LRWD1: variants seen among roughly 807,000 people sequenced by gnomAD.
LRWD1 encodes the protein leucine rich repeats and WD repeat domain containing 1, also known as leucine-rich repeat and WD repeat-containing protein 1.
In LRWD1, 76 loss-of-function variants were observed where a neutral mutation model predicts 75.6. The observed-to-expected ratio is 1.01, with a 90% CI of 0.84 to 1.22. The LOEUF (loss-of-function observed/expected upper bound fraction) is 1.22. Ranked by LOEUF, LRWD1 falls within the 50% of genes most tolerant of loss-of-function variation. LRWD1 has a pLI of 0.00. For synonymous variants in LRWD1, 487 were observed against 377.0 expected, an observed-to-expected ratio of 1.29 and a Z score of -3.38; for missense variants, 917 against 862.0, an observed-to-expected ratio of 1.06 and a Z score of -0.80.
In LRWD1 at chr7:102,472,265, G is replaced by C. The variant is rs752435769; in HGVS notation, c.1490G>C (p.Gly497Ala). 3.1e-6 allele frequency: 5 copies of C among 1,595,234 alleles called. No individual in the cohort carries two copies. In the South Asian group the frequency reaches 5.7e-5, roughly 18 times the overall value. Reference sequence around the variant, plus strand: ...TTCTCTGAGGGCTCCGAGGCATCTGGACGGAGAGTGGATGGGCTGGCATTT... The same window carrying C: ...TTCTCTGAGGGCTCCGAGGCATCTGCACGGAGAGTGGATGGGCTGGCATTT... ...FVFSEGSEAS[G>A]RRVDGLAFVN... Residue 497 changes from glycine to alanine, a missense_variant, in exon 12 of 15, where the codon GGA (glycine) becomes GCA (alanine). Physicochemically the swap from Gly to Ala is moderately conservative, Grantham distance 60 (BLOSUM62 0). Coordinates refer to ENST00000292616, the MANE Select transcript of LRWD1 (RefSeq NM_152892.3).
At chr7:102,467,537 G>T in intron 4 of LRWD1, 58 bp downstream of exon 4, 1 of 1,597,942 alleles carries the variant, frequency 6.3e-7, no homozygotes, top group Non-Finnish European at 8.5e-7. Context: ...TAGCTGCCTG[G>T]AGGTCCCTGG....
At position 102,469,614 on chromosome 7, in the gene LRWD1, G is replaced by A. The variant is rs778047518; in HGVS notation, c.1269G>A (p.Gly423=). ...YDKRIILWDI[G]VPNQDYEFQA... Reference sequence around the variant, plus strand: ...AGCGGATCATCCTCTGGGACATCGGGGTGCCCAACCAGGACTACGAATTCC... The same window carrying A: ...AGCGGATCATCCTCTGGGACATCGGAGTGCCCAACCAGGACTACGAATTCC... Residue 423 remains glycine (G), a synonymous_variant, in exon 10 of 15, where the codon GGG becomes GGA. Coordinates refer to ENST00000292616, the MANE Select transcript of LRWD1 (RefSeq NM_152892.3). The A allele has an allele frequency of 6.8e-6, 11 of 1,614,180 alleles. No individual in the cohort carries two copies. The South Asian group carries it at 1.1e-4, about 16-fold the overall frequency.
In LRWD1 at chr7:102,465,488, GCTTTT is replaced by G. The variant is rs1241138012; in HGVS notation, c.81-328_81-324del. ...GCCCCCGAGTCCTAAAGTAGTTGCA[GCTTTT>G]TTTTTTTTTTTTTTTTTTTTTTTTT... is the stretch of plus-strand genomic sequence containing the variant. On this transcript the variant is annotated intron_variant, in intron 1 of 14. Coordinates refer to ENST00000292616, the MANE Select transcript of LRWD1 (RefSeq NM_152892.3). The G allele has an allele frequency of 2.4e-3, 257 of 108,036 alleles. 60 individuals carry two copies. The highest frequency in any genetic ancestry group is 0.017 in the East Asian group (46 of 2,784). The allele number at this position is 108,036 out of a possible 1,614,324, so 6.7% of individuals were successfully genotyped here. A position where few individuals can be genotyped will look rare whatever the true frequency, so the allele number is the denominator to read the frequency against.
rs560279533 is a variant in LRWD1 at position 102,468,849 on chromosome 7, G to A, written c.1021-6G>A. 81 of 1,609,048 alleles carry A rather than the reference G, an allele frequency of 5.0e-5. No homozygotes were observed. The South Asian group carries it at 7.9e-4, about 16-fold the overall frequency. On this transcript the variant is annotated splice_region_variant and splice_polypyrimidine_tract_variant and intron_variant, in intron 8 of 14. Transcript: ENST00000292616. ...CCAGTGACTGTTTACTCTAACCCCC[G>A]CCCAGGAGTTCTTTTCTGTGGCCTG...
Position 102,466,261 on chromosome 7 carries a change from G to T in LRWD1, c.423G>T (p.Leu141=). The T allele has an allele frequency of 6.2e-7, 1 of 1,613,250 alleles. No homozygotes were observed. Among genetic ancestry groups the T allele is most frequent in the South Asian group, 1.1e-5 (1 of 91,018 alleles). ...AGGTGGAGAACCTGAATCGGGAGCT[G>T]ACCAGCAGGGTAAGGGGATGAGAGG... is the stretch of plus-strand genomic sequence containing the variant. ...YSQVENLNRE[L]TSRVTAHWEK... is the part of the protein sequence containing the mutation. The change falls in exon 3 of 15, where the codon CTG becomes CTT. Residue 141 remains leucine, a synonymous_variant. Transcript: ENST00000292616.
In LRWD1 at chr7:102,473,021, ACAT is replaced by A; in HGVS notation, c.1918_1920del (p.Ile640del). ...TACCTCACCGCCCTGACGGACTCCA[ACAT>A]CGTAGCCATCTGGGGGAGGATGTAG... On this transcript the variant is annotated inframe_deletion, in exon 15 of 15. Coordinates refer to ENST00000292616, the MANE Select transcript of LRWD1 (RefSeq NM_152892.3). 2 of 1,613,402 alleles carry A rather than the reference ACAT, an allele frequency of 1.2e-6. No homozygotes were observed. Among genetic ancestry groups the A allele is most frequent in the Non-Finnish European group, 1.7e-6 (2 of 1,179,786 alleles).
intron 13 of LRWD1, 32 bp from the exon 14 acceptor site, chr7:102,472,660 C>A: frequency 6.2e-7 from 1 of 1,612,516 alleles, no homozygotes; most frequent in African/African-American, 1.3e-5. Context: ...GGGAGCTCTG[C>A]CCCCACTCAG....
rs748234885 is a variant in LRWD1, at chr7:102,468,397, C to T, written c.919+20C>T. The T allele has an allele frequency of 2.1e-5, 33 of 1,582,538 alleles. No homozygotes were observed. In the East Asian group the frequency reaches 3.2e-4, roughly 15 times the overall value. ...AGGAGGGTACATGGTGGCGGGCAGGCGGGGCAAGGGCCGCTGGAAATAGGG... is the reference window on the plus strand; with the variant it reads ...AGGAGGGTACATGGTGGCGGGCAGGTGGGGCAAGGGCCGCTGGAAATAGGG... On this transcript the variant is annotated intron_variant, in intron 7 of 14. Coordinates refer to ENST00000292616, the MANE Select transcript of LRWD1 (RefSeq NM_152892.3).
intron 1 of LRWD1, 163 bp downstream of exon 1, chr7:102,465,323 G>A (rs1332227721): frequency 7.7e-5 from 56 of 726,236 alleles, no homozygotes; most frequent in Non-Finnish European, 1.1e-4. Flanking sequence ...CCACCCGCTC[G>A]CCGGGAGCCC....
Position 102,473,116 on chromosome 7 carries a change from T to TGGGGGGG in LRWD1, c.*70_*76dup. The TGGGGGGG allele has an allele frequency of 1.7e-6, 2 of 1,211,540 alleles. No individual in the cohort carries two copies. Among genetic ancestry groups the TGGGGGGG allele is most frequent in the Admixed American group, 2.4e-5 (1 of 42,300 alleles). 75.0% of individuals were successfully genotyped at this position (1,211,540 alleles called of 1,614,324 possible). On this transcript the variant is annotated 3_prime_UTR_variant, in exon 15 of 15. Coordinates refer to ENST00000292616, the MANE Select transcript of LRWD1 (RefSeq NM_152892.3). ...TTATTCAGCTTTGGGCCGATGGGGGTGGGGGGGGGTCTTTCAGTGAATATT... is the reference window on the plus strand; with the variant it reads ...TTATTCAGCTTTGGGCCGATGGGGGTGGGGGGGGGGGGGGGGTCTTTCAGTGAATATT...
At position 102,473,040 on chromosome 7, in the gene LRWD1, G is replaced by GA. The variant is rs747758163; in HGVS notation, c.1936dup (p.Arg646LysfsTer?). ...ACTCCAACATCGTAGCCATCTGGGG[G>GA]AGGATGTAGCCTCACACCATCGCAA... On this transcript the variant is annotated frameshift_variant, in exon 15 of 15. Coordinates refer to ENST00000292616, the MANE Select transcript of LRWD1 (RefSeq NM_152892.3). LOFTEE classifies it high-confidence loss of function. 1.8e-5 allele frequency: 29 copies of GA among 1,613,098 alleles called. No individual in the cohort carries two copies. The highest frequency in any genetic ancestry group is 2.5e-5 in the Non-Finnish European group (29 of 1,179,566).
chr7:102,469,780 G>A lies in LRWD1; in HGVS notation c.1340G>A (p.Arg447His), dbSNP rs781364822. The change falls in exon 11 of 15, where the codon CGC becomes CAC. Residue 447 changes from arginine to histidine, a missense_variant. By Grantham distance (29) the Arg-to-His change is conservative. Transcript: ENST00000292616. ...LTLDTTSIPL[R>H]LCPVASCPDA... Reference sequence around the variant, plus strand: ...CTGGACACCACCTCTATCCCCCTGCGCCTCTGCCCTGTCGCCTCCTGCCCG... The same window carrying A: ...CTGGACACCACCTCTATCCCCCTGCACCTCTGCCCTGTCGCCTCCTGCCCG... 14 of 1,609,510 alleles carry A rather than the reference G, an allele frequency of 8.7e-6. No individual in the cohort carries two copies. Among genetic ancestry groups the A allele is most frequent in the African/African-American group, 2.7e-5 (2 of 74,824 alleles).
chr7:102,471,994 G>A (rs1347487521), intron 11 of LRWD1: 6 of 527,628 alleles, frequency 1.1e-5, no homozygotes, highest in East Asian at 1.0e-4. Context: ...GCCACCCCTC[G>A]TGCCTCTGGG....
chr7:102,472,647 T>TC (rs1798240819), intron 13 of LRWD1, 38 bp downstream of exon 13: 1 of 1,610,944 alleles, frequency 6.2e-7, no homozygotes, highest in African/African-American at 1.3e-5. Context: ...CCCGCGGGCT[T>TC]CCGGGAGCTC....
chr7:102,467,628 C>T (rs1314703598), intron 4 of LRWD1, 91 bp from the exon 5 acceptor site: 1 of 1,506,182 alleles, frequency 6.6e-7, no homozygotes, highest in African/African-American at 1.4e-5. Flanking sequence ...TTCCCCAACT[C>T]TGGAAGCATA....
chr7:102,471,786 C>T (rs1217853297), intron 11 of LRWD1: 2 of 204,408 alleles, frequency 9.8e-6, no homozygotes, highest in South Asian at 8.2e-5. Context: ...CCCCCAACAG[C>T]CCCCTGGGCC....
Position 102,466,071 on chromosome 7 carries a change from C to T in LRWD1, c.315+20C>T, listed in dbSNP as rs779192697. Reference sequence around the variant, plus strand: ...CTGACGGTAAGTGGGAGCCTCCCACCAGCTTCATACCTGGGGCCAGGACTC... The same window carrying T: ...CTGACGGTAAGTGGGAGCCTCCCACTAGCTTCATACCTGGGGCCAGGACTC... On this transcript the variant is annotated intron_variant, in intron 2 of 14. Transcript: ENST00000292616. 4 of 1,613,394 alleles carry T rather than the reference C, an allele frequency of 2.5e-6. No individual in the cohort carries two copies. The East Asian group carries it at 8.9e-5, about 36-fold the overall frequency.
At chr7:102,469,167 G>C (rs1339610253) in intron 9 of LRWD1, 105 bp downstream of exon 9, 5 of 1,034,206 alleles carry the variant, frequency 4.8e-6, no homozygotes, top group Middle Eastern at 3.2e-4. Flanking sequence ...TCGGGCGCCT[G>C]CCGGGCCCCA....
chr7:102,470,405 G>A (rs2133271115), intron 11 of LRWD1: 1 of 153,246 alleles, frequency 6.5e-6, no homozygotes, highest in East Asian at 1.9e-4. Context: ...GCTCAGCAAA[G>A]GTGGCCAATC....
Sources: allele counts gnomAD v4.1 joint callset, GRCh38; gene constraint gnomAD v4.1.1; transcripts MANE v1.5; gene names NCBI Gene and HGNC (gene_info 2026-07-23, HGNC 2026-07-21).